Variants in ITGB2 observed in about 807,000 individuals in gnomAD.
ITGB2 encodes integrin subunit beta 2, also known as integrin beta-2.
A neutral mutation model predicts 86.8 loss-of-function variants in ITGB2; 56 were observed. The observed-to-expected ratio is 0.65, with a 90% confidence interval of 0.52 to 0.81. The LOEUF (loss-of-function observed/expected upper bound fraction) is 0.81, where lower values mean the gene tolerates loss of function less well. ITGB2 is among the 30% of genes least tolerant of loss of function. The pLI, the probability that ITGB2 is intolerant of heterozygous loss-of-function variation, is 0.00. For synonymous variants in ITGB2, 457 were observed against 450.4 expected (o/e 1.01, Z -0.19); for missense variants, 948 against 1,061.2 (o/e 0.89, Z 1.48).
At chr21:44,912,121 A>G (rs2084142815) in intron 1 of ITGB2, among the ~76,000 whole-genome samples, 1 of 152,190 alleles carries the variant, frequency 6.6e-6, no homozygotes, top group Non-Finnish European at 1.5e-5. Context: ...AGCAAATGCC[A>G]GTTCCTGTCA....
At chr21:44,920,517 G>C (rs934325488) in intron 1 of ITGB2, among the ~76,000 whole-genome samples, 7 of 152,134 alleles carry the variant, frequency 4.6e-5, no homozygotes, top group African/African-American at 1.7e-4. Flanking sequence ...CGTCCCCCTA[G>C]GGGCTTGTGG....
intron 15 of ITGB2, 67 bp from the exon 16 acceptor site, chr21:44,886,497 AG>A: frequency 1.3e-6 from 2 of 1,538,494 alleles, no homozygotes; most frequent in Non-Finnish European, 1.8e-6. Context: ...TTTCTCCCTG[AG>A]GACACTCCCC....
chr21:44,903,351 T>C lies in ITGB2; in HGVS notation c.499+14A>G. ...GAAAGGACTGGGTTTTGTCCTGCAG[T>C]GCCTGGGCCTCACCAATGCGGCCGG... On this transcript the variant is annotated intron_variant, in intron 5 of 15. Coordinates refer to ENST00000652462, the MANE Select transcript of ITGB2 (RefSeq NM_000211.5). 1.2e-6 allele frequency: 2 copies of C among 1,613,838 alleles called. No homozygotes were observed. Among genetic ancestry groups the C allele is most frequent in the Non-Finnish European group, 1.7e-6 (2 of 1,179,898 alleles).
rs111663308 is a variant in ITGB2 at position 44,910,725 on chromosome 21, C to A, written c.58G>T (p.Val20Phe). The change falls in exon 2 of 16, where the codon GTC (valine) becomes TTC (phenylalanine). Residue 20 changes from valine to phenylalanine, a missense_variant and splice_region_variant. Transcript: ENST00000652462. Reference protein sequence around the residue: ...ALVGLLSLGCVLSQECTKFKV... With the variant: ...ALVGLLSLGCFLSQECTKFKV... Reference sequence around the variant, plus strand: ...CCCCTCCGTGGAACACAGAACTCACCGCACCCGAGGGAGAGCAGCCCCACC... The same window carrying A: ...CCCCTCCGTGGAACACAGAACTCACAGCACCCGAGGGAGAGCAGCCCCACC... 1 of 1,613,842 alleles carries A rather than the reference C, an allele frequency of 6.2e-7. No individual in the cohort carries two copies. Among genetic ancestry groups the A allele is most frequent in the Non-Finnish European group, 8.5e-7 (1 of 1,179,946 alleles).
At chr21:44,888,617 G>A (rs990892688) in intron 14 of ITGB2, 76 bp downstream of exon 14, 318 of 1,507,824 alleles carry the variant, frequency 2.1e-4, no homozygotes, top group Admixed American at 2.7e-4. Context: ...TCCTCCTTCC[G>A]CACCACCCTC....
chr21:44,904,205 C>A (rs575617155), intron 4 of ITGB2, among the ~76,000 whole-genome samples: 3 of 152,088 alleles, frequency 2.0e-5, no homozygotes. Flanking sequence ...CAGCCTTCAG[C>A]CCCCCTGGGC....
chr21:44,910,555 A>G (rs1327491214), intron 2 of ITGB2, 170 bp downstream of exon 2: 3 of 1,411,040 alleles, frequency 2.1e-6, no homozygotes, highest in Admixed American at 3.9e-5. Flanking sequence ...GCACAGCTAC[A>G]GCCTCCTGGC....
chr21:44,895,582 C>T (rs917312620), intron 8 of ITGB2, among the ~76,000 whole-genome samples: 3 of 151,660 alleles, frequency 2.0e-5, no homozygotes, highest in African/African-American at 7.3e-5. Context: ...TGGCTCACGC[C>T]TGTGATCCCA....
intron 11 of ITGB2, 66 bp from the exon 12 acceptor site, chr21:44,890,288 T>C: frequency 2.5e-6 from 4 of 1,601,262 alleles, no homozygotes; most frequent in Non-Finnish European, 3.4e-6. Flanking sequence ...ACAGCCGCCC[T>C]GTCCTCCAGG....
chr21:44,886,971 C>A, intron 14 of ITGB2, 69 bp from the exon 15 acceptor site: 1 of 1,582,030 alleles, frequency 6.3e-7, no homozygotes. Flanking sequence ...CCCACAGGTC[C>A]GAGGTCACCC....
intron 7 of ITGB2, 23 bp downstream of exon 7, chr21:44,900,297 G>A (rs371032535): frequency 1.2e-6 from 2 of 1,613,940 alleles, no homozygotes; most frequent in Non-Finnish European, 1.7e-6. Context: ...GGCGGTGCCT[G>A]GGTGCCTGGG....
chr21:44,915,988 T>A (rs1363900897), intron 1 of ITGB2, among the ~76,000 whole-genome samples: 1 of 152,192 alleles, frequency 6.6e-6, no homozygotes, highest in East Asian at 1.9e-4. Flanking sequence ...AATGGCTAGA[T>A]CTCGGCTCAC....
At chr21:44,902,890 C>T (rs1157215084) in intron 5 of ITGB2, among the ~76,000 whole-genome samples, 4 of 152,162 alleles carry the variant, frequency 2.6e-5, no homozygotes, top group East Asian at 1.9e-4. Flanking sequence ...AAGCCACGGC[C>T]GGCGGGGAAG....
At chr21:44,899,631 C>T (rs186115793) in intron 7 of ITGB2, among the ~76,000 whole-genome samples, 21 of 152,358 alleles carry the variant, frequency 1.4e-4, no homozygotes, top group East Asian at 5.8e-4. Flanking sequence ...GAGCCTACAA[C>T]GTCAGGCTGC....
chr21:44,918,459 A>T (rs984664351), intron 1 of ITGB2, among the ~76,000 whole-genome samples: 1 of 152,216 alleles, frequency 6.6e-6, no homozygotes, highest in Non-Finnish European at 1.5e-5. Flanking sequence ...TTCAAGTTAC[A>T]CGGTTGACTA....
intron 3 of ITGB2, among the ~76,000 whole-genome samples, chr21:44,908,718 G>A (rs1219412506): frequency 1.3e-5 from 2 of 152,166 alleles, no homozygotes; most frequent in South Asian, 4.1e-4. Context: ...TCTGCGGCTT[G>A]TCCGGCTACA....
chr21:44,918,963 T>C (rs1421343514), intron 1 of ITGB2, among the ~76,000 whole-genome samples: 1 of 152,022 alleles, frequency 6.6e-6, no homozygotes, highest in Admixed American at 6.5e-5. Flanking sequence ...CACTCGGAGC[T>C]GAGCGTCCCC....
chr21:44,892,105 G>A, intron 10 of ITGB2, 109 bp from the exon 11 acceptor site: 1 of 1,040,352 alleles, frequency 9.6e-7, no homozygotes, highest in Non-Finnish European at 1.4e-6. Context: ...GGTTCAGCGT[G>A]GGGAGGAAGG....
At chr21:44,899,502 A>C (rs2838729) in intron 7 of ITGB2, among the ~76,000 whole-genome samples, 2 of 152,090 alleles carry the variant, frequency 1.3e-5, no homozygotes, top group African/African-American at 4.8e-5. Context: ...GGTAGAGGCC[A>C]TGAGTGTCAG....
Sources: allele counts gnomAD v4.1 joint callset (sites outside exome capture counted in the v4.1 genomes callset), GRCh38; gene constraint gnomAD v4.1.1; transcripts MANE v1.5; gene names NCBI Gene and HGNC (gene_info 2026-07-23, HGNC 2026-07-21).